The following N4BP2L2 variants were observed in gnomAD, a reference collection of about 807,000 sequenced individuals.
N4BP2L2 encodes the protein NEDD4-binding protein 2-like 2.
Under a neutral mutation model 56.2 loss-of-function variants are expected in N4BP2L2, and 50 were observed. The observed-to-expected ratio is 0.89, with a 90% CI of 0.71 to 1.13. The LOEUF (loss-of-function observed/expected upper bound fraction) is 1.13, where lower values mean the gene tolerates loss of function less well. Ranked by LOEUF, N4BP2L2 falls within the 50% of genes most tolerant of loss-of-function variation. The pLI, the probability that N4BP2L2 is intolerant of heterozygous loss-of-function variation, is 0.00. For missense variants in N4BP2L2, 689 were observed against 693.8 expected, an observed-to-expected ratio of 0.99 and a Z score of 0.08; for synonymous variants, 203 against 223.6, an observed-to-expected ratio of 0.91 and a Z score of 0.82.
exon 6 of N4BP2L2, chr13:32,511,956 C>A (rs2048240243): frequency 6.6e-6 from 1 of 152,012 alleles, no homozygotes; most frequent in South Asian, 2.1e-4. Flanking sequence ...AATTACTCTT[C>A]AGAATTTCTT....
intron 2 of N4BP2L2, among the ~76,000 whole-genome samples, chr13:32,534,154 G>A (rs999807752): frequency 1.3e-5 from 2 of 152,130 alleles, no homozygotes; most frequent in African/African-American, 4.8e-5. Flanking sequence ...AAAATACTCT[G>A]TAAATTGTGA....
intron 6 of N4BP2L2, among the ~76,000 whole-genome samples, chr13:32,483,841 G>A (rs2085273872): frequency 6.6e-6 from 1 of 151,928 alleles, no homozygotes; most frequent in African/African-American, 2.4e-5. Context: ...AAATTAGCCA[G>A]GTGTAGTGGT....
chr13:32,525,825 TGGAA>T (rs1319451742), intron 3 of N4BP2L2, among the ~76,000 whole-genome samples: 2 of 152,218 alleles, frequency 1.3e-5, no homozygotes, highest in East Asian at 1.9e-4. Flanking sequence ...CCATTAAACA[TGGAA>T]GGAATAACTA....
chr13:32,491,633 A>T lies in N4BP2L2; in HGVS notation c.365+26224T>A, dbSNP rs867877137. ...ATATATGTATATTATATATATATAT[A>T]TATTTTTTTTTTTTTTGAGACGGAG... is the stretch of plus-strand genomic sequence containing the variant. On this transcript the variant is annotated intron_variant, in intron 6 of 9. Transcript: ENST00000357505. 6.6e-3 allele frequency among the ~76,000 whole-genome samples: 749 copies of T among 114,018 alleles called. 5 individuals carry two copies. The highest frequency in any genetic ancestry group is 0.019 in the South Asian group (69 of 3,574). 74.8% of individuals were successfully genotyped at this position (114,018 alleles called of 152,430 possible). A position where few individuals can be genotyped will look rare whatever the true frequency, so the allele number is the denominator to read the frequency against.
chr13:32,458,822 T>C (rs2079465653), intron 6 of N4BP2L2, among the ~76,000 whole-genome samples: 2 of 152,126 alleles, frequency 1.3e-5, no homozygotes, highest in Admixed American at 6.6e-5. Flanking sequence ...TTTTATCCAA[T>C]AGCTGTAGAA....
intron 6 of N4BP2L2, among the ~76,000 whole-genome samples, chr13:32,482,331 T>C (rs538421825): frequency 4.9e-4 from 74 of 152,298 alleles, no homozygotes; most frequent in African/African-American, 1.4e-3. Flanking sequence ...GGGGTTTACA[T>C]ACCTAGCGTG....
intron 6 of N4BP2L2, among the ~76,000 whole-genome samples, chr13:32,485,930 T>A (rs1473612146): frequency 6.6e-6 from 1 of 151,786 alleles, no homozygotes; most frequent in Admixed American, 6.6e-5. Flanking sequence ...GTTAGCTGAG[T>A]GTGGTGATGT....
chr13:32,517,204 A>G, exon 6 of N4BP2L2: 4 of 985,578 alleles, frequency 4.1e-6, no homozygotes, highest in Non-Finnish European at 4.8e-6. Context: ...ATGAATATGC[A>G]TATTATGAAG....
intron 2 of N4BP2L2, among the ~76,000 whole-genome samples, chr13:32,528,095 T>A (rs1396411286): frequency 6.6e-6 from 1 of 152,190 alleles, no homozygotes; most frequent in Non-Finnish European, 1.5e-5. Context: ...TGAAGCAGCA[T>A]TTGTATTGCA....
exon 7 of N4BP2L2, chr13:32,443,986 C>T: frequency 6.2e-7 from 1 of 1,607,846 alleles, no homozygotes; most frequent in Non-Finnish European, 8.5e-7. Context: ...GTCCTGATCT[C>T]CCGGTGTAAG....
chr13:32,490,876 C>T (rs931569353), intron 6 of N4BP2L2, among the ~76,000 whole-genome samples: 2 of 152,026 alleles, frequency 1.3e-5, no homozygotes, highest in East Asian at 3.9e-4. Context: ...GCTGTGCAGC[C>T]CAGTTCCCAA....
At chr13:32,443,737 C>A in exon 7 of N4BP2L2, 1 of 1,573,172 alleles carries the variant, frequency 6.4e-7, no homozygotes, top group Non-Finnish European at 8.6e-7. Flanking sequence ...TTCATTTGGC[C>A]TCAGTAACAA....
chr13:32,506,205 C>A (rs1351526433), downstream of N4BP2L2: 2 of 152,182 alleles, frequency 1.3e-5, no homozygotes, highest in Non-Finnish European at 2.9e-5. Flanking sequence ...ATGGTCTTAC[C>A]TTTCTGTGTG....
At chr13:32,470,349 A>G (rs901263422) in intron 6 of N4BP2L2, among the ~76,000 whole-genome samples, 2 of 152,184 alleles carry the variant, frequency 1.3e-5, no homozygotes, top group African/African-American at 4.8e-5. Context: ...ACAGGTTTAA[A>G]AGCGGGAATG....
exon 2 of N4BP2L2, chr13:32,536,932 C>T (rs75356596): frequency 2.3e-5 from 37 of 1,613,778 alleles, no homozygotes; most frequent in South Asian, 2.0e-4. Context: ...GAAAAACATA[C>T]GACTCTGTGG....
chr13:32,436,111 C>T (rs1318646030), intron 9 of N4BP2L2, among the ~76,000 whole-genome samples: 2 of 151,894 alleles, frequency 1.3e-5, no homozygotes, highest in Non-Finnish European at 2.9e-5. Flanking sequence ...TATGTTCTAA[C>T]CAATAAAGTG....
chr13:32,532,678 C>T (rs2055231847), intron 2 of N4BP2L2, among the ~76,000 whole-genome samples: 2 of 149,542 alleles, frequency 1.3e-5, no homozygotes, highest in African/African-American at 4.9e-5. Context: ...GCAACCTCTG[C>T]CTCCCGGGTT....
Position 32,443,646 on chromosome 13 carries a change from C to CT in N4BP2L2, c.845dup (p.His283AlafsTer3), listed in dbSNP as rs2138309351. ...CTATGGTATGCCTATTTCTAATATG[C>CT]TTTTCTACCTTCATGCCAGAGCAGT... On this transcript the variant is annotated frameshift_variant, in exon 7 of 10. Transcript: ENST00000357505. LOFTEE classifies it high-confidence loss of function. The CT allele has an allele frequency of 6.2e-7, 1 of 1,611,398 alleles. No homozygotes were observed. Among genetic ancestry groups the CT allele is most frequent in the East Asian group, 2.2e-5 (1 of 44,850 alleles).
In N4BP2L2 at chr13:32,537,651, T is replaced by C. The variant is rs189455833; in HGVS notation, c.1-624A>G. Among the ~76,000 whole-genome samples, 5 of 152,294 alleles carry C rather than the reference T, an allele frequency of 3.3e-5. No individual in the cohort carries two copies. The East Asian group carries it at 9.6e-4, about 29-fold the overall frequency. On this transcript the variant is annotated intron_variant, in intron 1 of 5. Coordinates refer to ENST00000267068, the Ensembl canonical transcript of N4BP2L2. ...CCTAAATGGGTATAGTGTGTTCATT[T>C]AAAAGGGGGGAAGAGATAACTTAAG...
Sources: gnomAD v4.1 joint callset for allele counts (sites outside exome capture counted in the v4.1 genomes callset) on GRCh38, gnomAD v4.1.1 for gene constraint, MANE v1.5 for transcripts, NCBI Gene and HGNC (gene_info 2026-07-23, HGNC 2026-07-21) for gene names.